The following RIMS2 variants were observed in gnomAD, a reference collection of about 807,000 sequenced individuals.
RIMS2 encodes the protein regulating synaptic membrane exocytosis protein 2.
Under a neutral mutation model 174.4 loss-of-function variants are expected in RIMS2, and 59 were observed. That is an observed-to-expected ratio of 0.34 (90% CI 0.27 to 0.42). The LOEUF is 0.42. RIMS2 is among the 10% of genes least tolerant of loss of function. The pLI, the probability that RIMS2 is intolerant of heterozygous loss-of-function variation, is 1.00. For synonymous variants in RIMS2, 606 were observed against 572.5 expected (o/e 1.06, Z -0.84); for missense variants, 1,620 against 1,666.3 (o/e 0.97, Z 0.48).
chr8:104,201,805 A>C (rs780683942), intron 19 of RIMS2, among the ~76,000 whole-genome samples: 7 of 152,172 alleles, frequency 4.6e-5, no homozygotes, highest in Non-Finnish European at 1.0e-4. Flanking sequence ...AGAATTTGTA[A>C]TGATTTAGGA....
intron 1 of RIMS2, among the ~76,000 whole-genome samples, chr8:103,522,817 G>T (rs901158844): frequency 3.3e-5 from 5 of 152,120 alleles, no homozygotes; most frequent in Non-Finnish European, 7.4e-5. Flanking sequence ...CTTACTTTTT[G>T]TGGAGACTGA....
At chr8:103,667,422 C>G (rs1338234823) in intron 1 of RIMS2, among the ~76,000 whole-genome samples, 1 of 152,084 alleles carries the variant, frequency 6.6e-6, no homozygotes, top group Non-Finnish European at 1.5e-5. Flanking sequence ...AAAGAGACCG[C>G]CCATCTGGAA....
chr8:103,879,291 C>T (rs1044634086), intron 3 of RIMS2, among the ~76,000 whole-genome samples: 30 of 151,234 alleles, frequency 2.0e-4, no homozygotes, highest in Admixed American at 8.6e-4. Flanking sequence ...GGAGGAACAC[C>T]ACCAAGAGAA....
intron 14 of RIMS2, among the ~76,000 whole-genome samples, chr8:103,956,150 C>T (rs1319252922): frequency 1.2e-4 from 18 of 151,638 alleles, no homozygotes; most frequent in Admixed American, 1.2e-3. Context: ...ATAGGAAGAA[C>T]CAAAACTCAA....
At chr8:103,992,378 G>C (rs1204908362) in intron 17 of RIMS2, among the ~76,000 whole-genome samples, 1 of 149,810 alleles carries the variant, frequency 6.7e-6, no homozygotes, top group Non-Finnish European at 1.5e-5. Context: ...CACCTGCCTG[G>C]GTATCCCAAA....
intron 1 of RIMS2, among the ~76,000 whole-genome samples, chr8:103,566,990 C>T (rs1174644294): frequency 6.6e-6 from 1 of 152,204 alleles, no homozygotes; most frequent in Non-Finnish European, 1.5e-5. Flanking sequence ...TAGCACTCAA[C>T]TCCTCCCTTT....
chr8:103,609,709 C>G (rs1168562259), intron 1 of RIMS2, among the ~76,000 whole-genome samples: 1 of 152,118 alleles, frequency 6.6e-6, no homozygotes, highest in African/African-American at 2.4e-5. Flanking sequence ...GTCTTTGTAA[C>G]CGTTCCATGC....
At chr8:103,609,810 T>C (rs1303173250) in intron 1 of RIMS2, among the ~76,000 whole-genome samples, 1 of 152,252 alleles carries the variant, frequency 6.6e-6, no homozygotes, top group Non-Finnish European at 1.5e-5. Context: ...CGTGGCTATT[T>C]CTGCTCTTTT....
At chr8:104,101,025 ATATGTTATATAT>A (rs2097880480) in intron 19 of RIMS2, among the ~76,000 whole-genome samples, 1 of 142,492 alleles carries the variant, frequency 7.0e-6, no homozygotes, top group South Asian at 2.1e-4. Flanking sequence ...CATATGTAAT[ATATGTTATATAT>A]TATATTATAT....
chr8:104,017,967 C>T (rs1056440971), intron 19 of RIMS2, among the ~76,000 whole-genome samples: 3 of 151,782 alleles, frequency 2.0e-5, no homozygotes, highest in Non-Finnish European at 4.4e-5. Flanking sequence ...CCCAGCTACT[C>T]GGGAGGCTGA....
At chr8:103,886,165 G>A (rs1157732703) in exon 4 of RIMS2, 3 of 1,612,268 alleles carry the variant, frequency 1.9e-6, no homozygotes, top group Non-Finnish European at 1.7e-6. Flanking sequence ...TGGCTTCCAC[G>A]CCTGAATATA....
intron 1 of RIMS2, among the ~76,000 whole-genome samples, chr8:103,557,021 A>G (rs928674931): frequency 1.3e-5 from 2 of 152,228 alleles, no homozygotes; most frequent in Non-Finnish European, 2.9e-5. Context: ...TGAAAATTAA[A>G]TCTCGATAAA....
At chr8:103,671,621 A>C (rs138246971) in intron 1 of RIMS2, among the ~76,000 whole-genome samples, 1 of 152,330 alleles carries the variant, frequency 6.6e-6, no homozygotes, top group African/African-American at 2.4e-5. Flanking sequence ...GCTTGTAAAG[A>C]GCTGTTTTAA....
intron 4 of RIMS2, among the ~76,000 whole-genome samples, chr8:103,906,059 T>C (rs1045593535): frequency 1.3e-5 from 2 of 152,088 alleles, no homozygotes; most frequent in African/African-American, 4.8e-5. Flanking sequence ...ACTATTAAGC[T>C]GCAAAAAATA....
chr8:103,966,480 AT>A (rs1175774536), intron 15 of RIMS2, among the ~76,000 whole-genome samples: 1 of 151,694 alleles, frequency 6.6e-6, no homozygotes, highest in Non-Finnish European at 1.5e-5. Flanking sequence ...CCTCTTTTTC[AT>A]TTCTGATATT....
intron 2 of RIMS2, among the ~76,000 whole-genome samples, chr8:103,732,046 G>A (rs80292322): frequency 0.12 from 18,896 of 152,190 alleles, 1,275 homozygotes; most frequent in Middle Eastern, 0.22. Context: ...AGTCTTCACA[G>A]TCTGGGGTTG....
At chr8:104,110,294 C>T (rs1432449226) in intron 19 of RIMS2, among the ~76,000 whole-genome samples, 1 of 152,034 alleles carries the variant, frequency 6.6e-6, no homozygotes, top group Admixed American at 6.6e-5. Flanking sequence ...CTGCAGAATA[C>T]CTTTTGAAGA....
chr8:103,728,064 A>C (rs1332149947), intron 2 of RIMS2, among the ~76,000 whole-genome samples: 1 of 152,152 alleles, frequency 6.6e-6, no homozygotes, highest in East Asian at 1.9e-4. Context: ...TTTCCGGTCC[A>C]TGAACATGGA....
At chr8:103,984,757 G>A (rs1187823660) in intron 16 of RIMS2, among the ~76,000 whole-genome samples, 6 of 152,196 alleles carry the variant, frequency 3.9e-5, no homozygotes, top group Non-Finnish European at 7.3e-5. Context: ...TGTCATATTT[G>A]TTGCAGTACT....
Sources: gnomAD v4.1 joint callset for allele counts (sites outside exome capture counted in the v4.1 genomes callset) on GRCh38, gnomAD v4.1.1 for gene constraint, MANE v1.5 for transcripts, NCBI Gene and HGNC (gene_info 2026-07-23, HGNC 2026-07-21) for gene names.